CDK19: variants seen among roughly 807,000 people sequenced by gnomAD.
CDK19 encodes the protein cyclin-dependent kinase 19.
A neutral mutation model predicts 68.3 loss-of-function variants in CDK19; 20 were observed. The ratio of observed to expected loss-of-function variants is 0.29; its 90% CI spans 0.21 to 0.43. CDK19 has a LOEUF of 0.43. Ranked by LOEUF, CDK19 falls within the 20% of genes least tolerant of loss-of-function variation. The pLI is 1.00. For synonymous variants in CDK19, 221 were observed against 222.8 expected (o/e 0.99, Z 0.07); for missense variants, 339 against 623.5 (o/e 0.54, Z 4.86).
At chr6:110,656,701 C>T (rs1781326154) in intron 4 of CDK19, among the ~76,000 whole-genome samples, 1 of 152,196 alleles carries the variant, frequency 6.6e-6, no homozygotes, top group African/African-American at 2.4e-5. Context: ...CAATGTGTTT[C>T]TTTGTCTTTC....
chr6:110,798,116 C>A (rs1782077067), intron 1 of CDK19, among the ~76,000 whole-genome samples: 2 of 151,882 alleles, frequency 1.3e-5, no homozygotes, highest in Admixed American at 1.3e-4. Context: ...GTCAGATGTA[C>A]CGTACTAAAG....
chr6:110,626,947 G>T (rs998058937), intron 7 of CDK19, 55 bp downstream of exon 7: 1 of 1,504,840 alleles, frequency 6.6e-7, no homozygotes, highest in Non-Finnish European at 9.1e-7. Flanking sequence ...CTTTTGAGAA[G>T]AAATGATTTT....
intron 1 of CDK19, among the ~76,000 whole-genome samples, chr6:110,804,181 C>T (rs1583140604): frequency 6.6e-6 from 1 of 152,096 alleles, no homozygotes; most frequent in South Asian, 2.1e-4. Flanking sequence ...TAAATAAATC[C>T]ATTCCCTAAT....
At position 110,627,050 on chromosome 6, in the gene CDK19, G is replaced by T; in HGVS notation, c.742C>A (p.His248Asn). 1 of 1,613,134 alleles carries T rather than the reference G, an allele frequency of 6.2e-7. No homozygotes were observed. Among genetic ancestry groups the T allele is most frequent in the Non-Finnish European group, 8.5e-7 (1 of 1,179,348 alleles). Reference protein sequence around the residue: ...QEDIKTSNPFHHDQLDRIFSV... With the variant: ...QEDIKTSNPFNHDQLDRIFSV... ...AATATCCGATCCAGTTGATCATGAT[G>T]AAAGGGATTGCTTGTTTTTATATCT... Residue 248 changes from histidine (H) to asparagine (N), a missense_variant, in exon 7 of 13, where the codon CAT becomes AAT. By Grantham distance (68) the His-to-Asn change is moderately conservative. Around this residue, in one of 4 missense-constraint regions of CDK19, gnomAD observed 63 missense variants for 156.5 expected, o/e 0.40. Coordinates refer to ENST00000368911, the MANE Select transcript of CDK19 (RefSeq NM_015076.5).
intron 12 of CDK19, among the ~76,000 whole-genome samples, chr6:110,617,241 C>G (rs1323764246): frequency 6.6e-6 from 1 of 152,200 alleles, no homozygotes; most frequent in Non-Finnish European, 1.5e-5. Context: ...CCCTACCTTT[C>G]TGTGTAAAAA....
At position 110,617,662 on chromosome 6, in the gene CDK19, T is replaced by TATATAC. The variant is rs755618032; in HGVS notation, c.1378-2997_1378-2996insGTATAT. Among the ~76,000 whole-genome samples, 941 of 107,110 alleles carry TATATAC rather than the reference T, an allele frequency of 8.8e-3. 18 individuals carry two copies. The highest frequency in any genetic ancestry group is 0.027 in the African/African-American group (706 of 25,920). The allele number at this position is 107,110 out of a possible 152,430, so 70.3% of individuals were successfully genotyped here. ...AATAATAAAATTATTTATATATATA[T>TATATAC]ACACACACACACACACACACACACA... On this transcript the variant is annotated intron_variant, in intron 12 of 12. Transcript: ENST00000368911.
At chr6:110,616,499 C>T (rs2493335) in intron 12 of CDK19, among the ~76,000 whole-genome samples, 34,447 of 151,790 alleles carry the variant, frequency 0.23, 4,170 homozygotes, top group African/African-American at 0.31. Flanking sequence ...GAAACCCCAT[C>T]TCTACTAAAA....
intron 4 of CDK19, among the ~76,000 whole-genome samples, chr6:110,666,494 C>A (rs1477190324): frequency 1.4e-5 from 2 of 145,280 alleles, no homozygotes; most frequent in Non-Finnish European, 3.0e-5. Flanking sequence ...GTAAATGCAT[C>A]TTTTGTGGTC....
At chr6:110,725,361 A>G (rs1267060624) in intron 2 of CDK19, among the ~76,000 whole-genome samples, 2 of 152,170 alleles carry the variant, frequency 1.3e-5, no homozygotes, top group Admixed American at 1.3e-4. Flanking sequence ...AATTTTAATT[A>G]TAAATATAAT....
At chr6:110,741,767 G>T (rs1011634028) in intron 2 of CDK19, among the ~76,000 whole-genome samples, 3 of 152,038 alleles carry the variant, frequency 2.0e-5, no homozygotes, top group African/African-American at 7.2e-5. Context: ...GTCAAAGTGT[G>T]AAAGAAAAAG....
At chr6:110,688,947 C>T (rs930880317) in intron 2 of CDK19, among the ~76,000 whole-genome samples, 2 of 152,192 alleles carry the variant, frequency 1.3e-5, no homozygotes, top group Non-Finnish European at 2.9e-5. Flanking sequence ...GAGCTGGGTG[C>T]CCTGGCTTTG....
chr6:110,664,149 T>C (rs1056590478), intron 4 of CDK19, among the ~76,000 whole-genome samples: 3 of 152,172 alleles, frequency 2.0e-5, no homozygotes, highest in African/African-American at 7.2e-5. Context: ...AGCTTATCCA[T>C]ATTTGAGCCA....
intron 2 of CDK19, among the ~76,000 whole-genome samples, chr6:110,736,889 A>G (rs1777289982): frequency 6.6e-6 from 1 of 152,230 alleles, no homozygotes; most frequent in Non-Finnish European, 1.5e-5. Flanking sequence ...ATATTATTCA[A>G]GAGAAAAATA....
At position 110,612,551 on chromosome 6, in the gene CDK19, G is replaced by A. The variant is rs1778082696; in HGVS notation, c.*1984C>T. 2 of 152,314 alleles carry A rather than the reference G, an allele frequency of 1.3e-5. No homozygotes were observed. Among genetic ancestry groups the A allele is most frequent in the South Asian group, 4.1e-4 (2 of 4,826 alleles). 9.4% of individuals were successfully genotyped at this position (152,314 alleles called of 1,614,324 possible). On this transcript the variant is annotated 3_prime_UTR_variant, in exon 13 of 13. Transcript: ENST00000368911. ...CAAGCTCCTTAAGGACAAGAAGTAT[G>A]CCCTGTCCTCTGTGTTCTCTACCCA...
intron 1 of CDK19, among the ~76,000 whole-genome samples, chr6:110,779,988 G>C (rs754848596): frequency 4.6e-5 from 7 of 152,066 alleles, no homozygotes; most frequent in African/African-American, 1.7e-4. Context: ...AGGAGGCCGA[G>C]GCAGGCAGAT....
chr6:110,626,715 C>G (rs974046393), intron 8 of CDK19, 61 bp downstream of exon 8: 1 of 984,904 alleles, frequency 1.0e-6, no homozygotes, highest in African/African-American at 1.7e-5. Context: ...TATAAATTAC[C>G]CAGTCTAAGG....
chr6:110,758,270 C>G (rs1778966371), intron 1 of CDK19, among the ~76,000 whole-genome samples: 1 of 152,046 alleles, frequency 6.6e-6, no homozygotes, highest in Admixed American at 6.6e-5. Context: ...AGCAAAGAAA[C>G]AAGCATTAAA....
In CDK19 at chr6:110,789,361, C is replaced by T. The variant is rs573214461; in HGVS notation, c.128+25648G>A. 1.4e-3 allele frequency among the ~76,000 whole-genome samples: 216 copies of T among 152,180 alleles called. 2 individuals carry two copies. The highest frequency in any genetic ancestry group is 5.1e-3 in the African/African-American group (213 of 41,514). ...TGGCACAATCTTGGCTCACTGCAACCTCCACTTCCTGGGTTCAAGAGATTC... is the reference window on the plus strand; with the variant it reads ...TGGCACAATCTTGGCTCACTGCAACTTCCACTTCCTGGGTTCAAGAGATTC... On this transcript the variant is annotated intron_variant, in intron 1 of 12. Coordinates refer to ENST00000368911, the MANE Select transcript of CDK19 (RefSeq NM_015076.5).
At chr6:110,814,228 G>C (rs762329896) in intron 1 of CDK19, 102 of 268,432 alleles carry the variant, frequency 3.8e-4, no homozygotes, top group Non-Finnish European at 5.4e-4. Context: ...GCAGAGGATG[G>C]AGTGGAGGAC....
Sources: gnomAD v4.1 joint callset for allele counts (sites outside exome capture counted in the v4.1 genomes callset) on GRCh38, gnomAD v4.1.1 for gene constraint, gnomAD v4.1.1 regional missense constraint, MANE v1.5 for transcripts, NCBI Gene and HGNC (gene_info 2026-07-23, HGNC 2026-07-21) for gene names.